DCAF6: variants seen among roughly 807,000 people sequenced by gnomAD.
DCAF6 encodes the protein DDB1- and CUL4-associated factor 6.
In DCAF6, 54 loss-of-function variants were observed where a neutral mutation model predicts 125.1. The ratio of observed to expected loss-of-function variants is 0.43; its 90% confidence interval spans 0.35 to 0.54. The LOEUF (loss-of-function observed/expected upper bound fraction) is 0.54, where lower values mean the gene tolerates loss of function less well. DCAF6 is among the 20% of genes least tolerant of loss of function. DCAF6 has a pLI of 0.01. For synonymous variants in DCAF6, 371 were observed against 390.4 expected, an observed-to-expected ratio of 0.95 and a Z score of 0.58; for missense variants, 934 against 1,161.7, an observed-to-expected ratio of 0.80 and a Z score of 2.85.
At chr1:167,955,045 T>C (rs922825497) in intron 2 of DCAF6, among the ~76,000 whole-genome samples, 1 of 152,222 alleles carries the variant, frequency 6.6e-6, no homozygotes, top group Non-Finnish European at 1.5e-5. Flanking sequence ...ATTTGGCTTT[T>C]TTTACTTTAA....
chr1:167,866,319 C>T, the DCAF6 span, among the ~76,000 whole-genome samples: 1 of 151,970 alleles, frequency 6.6e-6, no homozygotes, highest in African/African-American at 2.4e-5. Context: ...TGGAGTCCCA[C>T]GAGGAATACC....
At chr1:168,007,507 T>C (rs1210717936) in intron 10 of DCAF6, among the ~76,000 whole-genome samples, 4 of 152,092 alleles carry the variant, frequency 2.6e-5, no homozygotes, top group Admixed American at 1.3e-4. Context: ...CCCCTTTTCC[T>C]CTGAAACTTT....
chr1:167,880,271 T>G, the DCAF6 span: 1 of 1,291,096 alleles, frequency 7.7e-7, no homozygotes, highest in Non-Finnish European at 1.1e-6. Flanking sequence ...TGGGAAATAA[T>G]GTCTGGGTTG....
chr1:167,918,595 T>C, the DCAF6 span, among the ~76,000 whole-genome samples: 3 of 54,550 alleles, frequency 5.5e-5, no homozygotes, highest in Admixed American at 3.0e-4. Context: ...TGCCAAAAAC[T>C]TTTTTTTTTT....
At chr1:167,952,311 G>A (rs955926405) in intron 2 of DCAF6, among the ~76,000 whole-genome samples, 9 of 151,902 alleles carry the variant, frequency 5.9e-5, no homozygotes, top group African/African-American at 2.2e-4. Context: ...TCCGCCTCCC[G>A]GGTTCACGTC....
chr1:167,942,998 C>T (rs980290833), intron 1 of DCAF6, among the ~76,000 whole-genome samples: 1 of 152,164 alleles, frequency 6.6e-6, no homozygotes, highest in Non-Finnish European at 1.5e-5. Context: ...GCTCCGCCTC[C>T]TGGGTTCACA....
At chr1:167,894,372 C>T in the DCAF6 span, among the ~76,000 whole-genome samples, 8 of 152,082 alleles carry the variant, frequency 5.3e-5, no homozygotes, top group African/African-American at 1.9e-4. Flanking sequence ...AGGCTTGATA[C>T]CGCTTCACTG....
At chr1:167,975,080 A>G in intron 4 of DCAF6, 65 bp downstream of exon 4, 1 of 1,021,842 alleles carries the variant, frequency 9.8e-7, no homozygotes, top group Non-Finnish European at 1.4e-6. Flanking sequence ...AAGTACATAC[A>G]TGTGTAGATG....
the DCAF6 span, among the ~76,000 whole-genome samples, chr1:167,930,436 T>A: frequency 6.6e-6 from 1 of 152,180 alleles, no homozygotes; most frequent in African/African-American, 2.4e-5. Flanking sequence ...ATTACTTGTT[T>A]AAAATAAATA....
At position 168,066,878 on chromosome 1, in the gene DCAF6, G is replaced by T. The variant is rs968191572; in HGVS notation, c.2685+413G>T. ...TCCATTTTGAGTTTTTCTTAAAAAG[G>T]AAATGGAACTTTGTTTTTCAGGATT... is the stretch of plus-strand genomic sequence containing the variant. On this transcript the variant is annotated intron_variant, in intron 20 of 21. Coordinates refer to ENST00000367840, the MANE Select transcript of DCAF6 (RefSeq NM_001198956.2). Among the ~76,000 whole-genome samples the T allele has an allele frequency of 2.6e-5, 4 of 152,220 alleles. No homozygotes were observed. In the East Asian group the frequency reaches 7.7e-4, roughly 29 times the overall value.
chr1:167,878,005 A>G, the DCAF6 span, among the ~76,000 whole-genome samples: 2 of 152,374 alleles, frequency 1.3e-5, no homozygotes, highest in South Asian at 2.1e-4. Flanking sequence ...AGTGACACCC[A>G]TAAATCTATG....
At chr1:167,878,451 C>G in the DCAF6 span, 77 of 1,613,678 alleles carry the variant, frequency 4.8e-5, 1 homozygote, top group South Asian at 7.7e-4. Context: ...CTCACACTTT[C>G]TCAGTACGGC....
At chr1:168,029,979 C>CAAA (rs34555735) in intron 12 of DCAF6, among the ~76,000 whole-genome samples, 2 of 121,782 alleles carry the variant, frequency 1.6e-5, no homozygotes, top group African/African-American at 3.1e-5. Context: ...GACTCCGTCT[C>CAAA]AAAAAAAAAA....
intron 14 of DCAF6, among the ~76,000 whole-genome samples, chr1:168,043,915 A>T (rs1159199500): frequency 6.6e-6 from 1 of 152,180 alleles, no homozygotes. Context: ...ATTTTACCAA[A>T]TACATGATAG....
chr1:167,926,770 C>T, the DCAF6 span, among the ~76,000 whole-genome samples: 1 of 152,226 alleles, frequency 6.6e-6, no homozygotes, highest in Non-Finnish European at 1.5e-5. Flanking sequence ...GGCAAACATT[C>T]AACTAGTTTC....
chr1:167,992,527 T>C (rs964923181), intron 6 of DCAF6, among the ~76,000 whole-genome samples: 4 of 152,180 alleles, frequency 2.6e-5, no homozygotes, highest in African/African-American at 9.6e-5. Flanking sequence ...AACAGTAATA[T>C]AATATGAAAT....
the DCAF6 span, among the ~76,000 whole-genome samples, chr1:167,885,923 C>A: frequency 6.6e-6 from 1 of 151,900 alleles, no homozygotes; most frequent in Non-Finnish European, 1.5e-5. Context: ...CTTATTCAGA[C>A]CTTTTACCCA....
chr1:168,053,259 A>G (rs1035057223), intron 17 of DCAF6, among the ~76,000 whole-genome samples: 3 of 152,204 alleles, frequency 2.0e-5, no homozygotes, highest in African/African-American at 7.2e-5. Flanking sequence ...ATATATAAGA[A>G]TGTAAGCACC....
chr1:167,925,458 TATATATATATATATATAC>T, the DCAF6 span, among the ~76,000 whole-genome samples: 366 of 113,692 alleles, frequency 3.2e-3, 4 homozygotes, highest in African/African-American at 0.012. Context: ...TATATATATA[TATATATATATATATATAC>T]ATATACATAT....
Sources: gnomAD v4.1 joint callset for allele counts (sites outside exome capture counted in the v4.1 genomes callset) on GRCh38, gnomAD v4.1.1 for gene constraint, MANE v1.5 for transcripts, NCBI Gene and HGNC (gene_info 2026-07-23, HGNC 2026-07-21) for gene names.